Variants in RANBP10 observed in about 807,000 individuals in gnomAD.
RANBP10 encodes ran-binding protein 10.
RANBP10 carries 24 observed loss-of-function variants against 72.8 expected under a neutral mutation model. The ratio of observed to expected loss-of-function variants is 0.33; its 90% CI spans 0.24 to 0.46. The LOEUF is 0.46. RANBP10 is among the 20% of genes least tolerant of loss of function. RANBP10 has a pLI of 1.00. For synonymous variants in RANBP10, 310 were observed against 322.3 expected (o/e 0.96, Z 0.41); for missense variants, 679 against 817.5 (o/e 0.83, Z 2.07).
rs564559790 is a variant in RANBP10, at chr16:67,758,973, T to C, written c.400+13061A>G. On this transcript the variant is annotated intron_variant, in intron 3 of 13. Coordinates refer to ENST00000317506, the MANE Select transcript of RANBP10 (RefSeq NM_020850.3). ...AAAAGGAACACGCACTTGCTGGCCA[T>C]AGGGCCGAGGGTGCTGCCAGCCCAG... 1.2e-4 allele frequency among the ~76,000 whole-genome samples: 18 copies of C among 152,354 alleles called. 1 individual carries two copies. The South Asian group carries it at 1.9e-3, about 16-fold the overall frequency.
At chr16:67,790,308 G>A (rs1413285375) in intron 2 of RANBP10, among the ~76,000 whole-genome samples, 1 of 151,716 alleles carries the variant, frequency 6.6e-6, no homozygotes, top group Admixed American at 6.6e-5. Flanking sequence ...AGGAGAAATG[G>A]AGAATTACTG....
intron 3 of RANBP10, among the ~76,000 whole-genome samples, chr16:67,765,565 A>G (rs931146909): frequency 6.6e-6 from 1 of 152,114 alleles, no homozygotes; most frequent in Non-Finnish European, 1.5e-5. Context: ...GGCTGGGTGC[A>G]GTGGCTCACG....
intron 3 of RANBP10, among the ~76,000 whole-genome samples, chr16:67,746,786 G>A (rs969781490): frequency 2.0e-5 from 3 of 152,192 alleles, no homozygotes; most frequent in Non-Finnish European, 4.4e-5. Flanking sequence ...CATAGAACAT[G>A]AGGTGTCTTG....
intron 4 of RANBP10, 87 bp from the exon 5 acceptor site, chr16:67,738,122 G>T: frequency 7.2e-7 from 1 of 1,396,284 alleles, no homozygotes; most frequent in Non-Finnish European, 9.6e-7. Context: ...GCTAGGGCCG[G>T]GTAGTTGTTT....
At chr16:67,765,749 T>C (rs2054489773) in intron 3 of RANBP10, among the ~76,000 whole-genome samples, 1 of 152,040 alleles carries the variant, frequency 6.6e-6, no homozygotes, top group South Asian at 2.1e-4. Context: ...GGCAGGAGAA[T>C]GGCGTGAACC....
At chr16:67,770,684 G>A (rs1468561659) in intron 3 of RANBP10, among the ~76,000 whole-genome samples, 2 of 152,192 alleles carry the variant, frequency 1.3e-5, no homozygotes, top group African/African-American at 4.8e-5. Context: ...ATCAGTTCAC[G>A]GCAGAAGCTC....
chr16:67,727,207 TG>T, intron 13 of RANBP10, 119 bp downstream of exon 13: 1 of 944,184 alleles, frequency 1.1e-6, no homozygotes, highest in Admixed American at 2.9e-5. Context: ...GCACGAAAAT[TG>T]CTTAAACCCA....
intron 7 of RANBP10, 100 bp downstream of exon 7, chr16:67,731,359 ATGAGGACCAGAGC>A: frequency 1.2e-6 from 1 of 834,968 alleles, no homozygotes; most frequent in Non-Finnish European, 2.0e-6. Context: ...CAAGCTGGTC[ATGAGGACCAGAGC>A]TGAATGGACT....
Position 67,744,354 on chromosome 16 carries a change from C to T in RANBP10, c.502G>A (p.Val168Met). The T allele has an allele frequency of 3.1e-6, 5 of 1,614,226 alleles. No homozygotes were observed. Among genetic ancestry groups the T allele is most frequent in the Admixed American group, 1.7e-5 (1 of 60,026 alleles). Residue 168 changes from valine (V) to methionine (M), a missense_variant, in exon 4 of 14, where the codon GTG becomes ATG. Transcript: ENST00000317506. ...ATGAGGTTGACACAGCAGCCGATCA[C>T]GTCTCCTGTGGTGAATGTGGGACCA... ...PYGPTFTTGD[V>M]IGCCVNLING...
chr16:67,760,230 TAGG>T (rs2054370012), intron 3 of RANBP10, among the ~76,000 whole-genome samples: 1 of 152,224 alleles, frequency 6.6e-6, no homozygotes, highest in South Asian at 2.1e-4. Flanking sequence ...GCTGTACTCT[TAGG>T]AGGACAGGGA....
At chr16:67,800,037 C>T (rs916408133) in intron 2 of RANBP10, among the ~76,000 whole-genome samples, 1 of 152,134 alleles carries the variant, frequency 6.6e-6, no homozygotes, top group African/African-American at 2.4e-5. Context: ...AGGGGAATCA[C>T]TTGAACCCAG....
At chr16:67,785,040 T>C (rs2054888185) in intron 2 of RANBP10, among the ~76,000 whole-genome samples, 1 of 151,150 alleles carries the variant, frequency 6.6e-6, no homozygotes, top group African/African-American at 2.4e-5. Context: ...TGAAACCCCA[T>C]CTCTACTAAA....
At chr16:67,801,107 C>CA (rs1383889157) in intron 2 of RANBP10, among the ~76,000 whole-genome samples, 1 of 152,110 alleles carries the variant, frequency 6.6e-6, no homozygotes, top group Non-Finnish European at 1.5e-5. Flanking sequence ...AAGATATTGT[C>CA]AAAACAAAGG....
At chr16:67,775,234 C>T (rs1268257906) in intron 2 of RANBP10, among the ~76,000 whole-genome samples, 2 of 152,100 alleles carry the variant, frequency 1.3e-5, no homozygotes, top group Non-Finnish European at 2.9e-5. Flanking sequence ...TCGCTTGAAC[C>T]CTAGAGGCCG....
intron 2 of RANBP10, among the ~76,000 whole-genome samples, chr16:67,779,193 G>A (rs960354067): frequency 2.0e-5 from 3 of 152,110 alleles, no homozygotes; most frequent in East Asian, 1.9e-4. Context: ...CCAGGAGTTC[G>A]AGATCAGCCT....
intron 2 of RANBP10, among the ~76,000 whole-genome samples, chr16:67,784,911 T>C (rs2054884278): frequency 6.7e-6 from 1 of 149,152 alleles, no homozygotes; most frequent in Non-Finnish European, 1.5e-5. Context: ...CCAGTAGCAC[T>C]TAAAAAAAAA....
rs904794723 is a variant in RANBP10, at chr16:67,730,753, C to G, written c.890-707G>C. ...GCACAGCTTCTCTGGGAGACAGACA[C>G]GTGCACATACAGAAGAGACAGCAGG... On this transcript the variant is annotated intron_variant, in intron 7 of 13. Coordinates refer to ENST00000317506, the MANE Select transcript of RANBP10 (RefSeq NM_020850.3). This position sits in a 1 kb window ranked among gnomAD's most constrained non-coding sequence, Gnocchi z 4.3. 6.6e-6 allele frequency among the ~76,000 whole-genome samples: 1 copy of G among 152,164 alleles called. No homozygotes were observed. The highest frequency in any genetic ancestry group is 2.4e-5 in the African/African-American group (1 of 41,426).
chr16:67,763,211 G>C (rs983598228), intron 3 of RANBP10: 1 of 153,140 alleles, frequency 6.5e-6, no homozygotes, highest in Non-Finnish European at 1.5e-5. Context: ...GCAGAGGCCT[G>C]TGGCGCAGAT....
At chr16:67,739,515 G>A (rs1349763756) in intron 4 of RANBP10, among the ~76,000 whole-genome samples, 2 of 152,192 alleles carry the variant, frequency 1.3e-5, no homozygotes, top group Admixed American at 6.5e-5. Context: ...AGAGTCCTCA[G>A]AGGTTCCAAG....
Sources: gnomAD v4.1 joint callset for allele counts (sites outside exome capture counted in the v4.1 genomes callset) on GRCh38, gnomAD v4.1.1 for gene constraint, Gnocchi (gnomAD v3.1) non-coding constraint, MANE v1.5 for transcripts, NCBI Gene and HGNC (gene_info 2026-07-23, HGNC 2026-07-21) for gene names.